The following ARMH3 variants were observed in gnomAD, a reference collection of about 807,000 sequenced individuals.
ARMH3 encodes armadillo-like helical domain-containing protein 3.
A neutral mutation model predicts 99.1 loss-of-function variants in ARMH3; 60 were observed. The observed-to-expected ratio is 0.61, with a 90% confidence interval of 0.49 to 0.75. The LOEUF (loss-of-function observed/expected upper bound fraction) is 0.75, where lower values mean the gene tolerates loss of function less well. Ranked by LOEUF, ARMH3 falls within the 30% of genes least tolerant of loss-of-function variation. ARMH3 has a pLI of 0.00. For synonymous variants in ARMH3, 285 were observed against 292.8 expected (o/e 0.97, Z 0.27); for missense variants, 679 against 843.1 (o/e 0.81, Z 2.41).
At chr10:101,884,202 A>T (rs1208215322) in intron 24 of ARMH3, among the ~76,000 whole-genome samples, 1 of 152,194 alleles carries the variant, frequency 6.6e-6, no homozygotes, top group Non-Finnish European at 1.5e-5. Context: ...AGCCTTAGAA[A>T]TGGAGAGAAT....
intron 16 of ARMH3, among the ~76,000 whole-genome samples, chr10:101,994,764 T>C (rs984529655): frequency 1.3e-5 from 2 of 152,142 alleles, no homozygotes; most frequent in Non-Finnish European, 2.9e-5. Flanking sequence ...CTGCCGAGCA[T>C]GGTGGCTCAC....
intron 23 of ARMH3, among the ~76,000 whole-genome samples, chr10:101,938,591 C>A (rs1844096932): frequency 6.6e-6 from 1 of 152,234 alleles, no homozygotes; most frequent in African/African-American, 2.4e-5. Context: ...GCACTTCATA[C>A]CCTAGCCCAG....
intron 24 of ARMH3, among the ~76,000 whole-genome samples, chr10:101,881,819 C>T (rs1207274036): frequency 6.6e-6 from 1 of 152,158 alleles, no homozygotes; most frequent in African/African-American, 2.4e-5. Flanking sequence ...TCTTTCTGTC[C>T]TTTTCAGATC....
At chr10:101,867,570 C>T (rs1236746774) in intron 24 of ARMH3, among the ~76,000 whole-genome samples, 1 of 152,202 alleles carries the variant, frequency 6.6e-6, no homozygotes, top group African/African-American at 2.4e-5. Context: ...CAGTGGCTCA[C>T]ACCTGTAATC....
chr10:101,849,765 G>A lies in ARMH3; in HGVS notation c.1977+11C>T, dbSNP rs1288912497. ...CCCCTAAGACACAGGCAGAGGCGGTGGGGCACTCACCAGCTCTTTGAAGAA... is the reference window on the plus strand; with the variant it reads ...CCCCTAAGACACAGGCAGAGGCGGTAGGGCACTCACCAGCTCTTTGAAGAA... On this transcript the variant is annotated intron_variant, in intron 25 of 25. Coordinates refer to ENST00000370033, the MANE Select transcript of ARMH3 (RefSeq NM_024541.3). 9 of 1,610,876 alleles carry A rather than the reference G, an allele frequency of 5.6e-6. No individual in the cohort carries two copies. Among genetic ancestry groups the A allele is most frequent in the Middle Eastern group, 1.7e-4 (1 of 6,048 alleles).
chr10:101,992,237 T>A (rs1232793737), intron 17 of ARMH3, among the ~76,000 whole-genome samples, 199 bp from the exon 18 acceptor site: 1 of 152,160 alleles, frequency 6.6e-6, no homozygotes, highest in Non-Finnish European at 1.5e-5. Context: ...GCTTCAGTTA[T>A]CAATGCACGC....
intron 1 of ARMH3, among the ~76,000 whole-genome samples, chr10:102,046,853 G>C (rs1383911949): frequency 6.6e-6 from 1 of 152,160 alleles, no homozygotes; most frequent in African/African-American, 2.4e-5. Flanking sequence ...AGAGGTTCTA[G>C]GTGAGTAAGG....
At chr10:101,856,135 GC>G (rs2066732699) in intron 24 of ARMH3, among the ~76,000 whole-genome samples, 1 of 152,150 alleles carries the variant, frequency 6.6e-6, no homozygotes, top group Non-Finnish European at 1.5e-5. Flanking sequence ...ACCTGGTGAA[GC>G]CTTGATTTGC....
intron 24 of ARMH3, among the ~76,000 whole-genome samples, chr10:101,850,232 G>A (rs965315895): frequency 1.3e-5 from 2 of 151,074 alleles, no homozygotes; most frequent in Non-Finnish European, 2.9e-5. Context: ...CGAGTAGCTG[G>A]GACGACAGGG....
intron 24 of ARMH3, among the ~76,000 whole-genome samples, chr10:101,858,152 C>T (rs2066778262): frequency 6.6e-6 from 1 of 152,232 alleles, no homozygotes. Context: ...AGAAGCACAG[C>T]ACTGCAAAGA....
chr10:101,882,277 T>C (rs560590891), intron 24 of ARMH3, among the ~76,000 whole-genome samples: 1 of 152,368 alleles, frequency 6.6e-6, no homozygotes, highest in South Asian at 2.1e-4. Flanking sequence ...GAACCCTAAG[T>C]TGCCACTATG....
intron 23 of ARMH3, among the ~76,000 whole-genome samples, chr10:101,892,936 A>C (rs1485339445): frequency 6.6e-6 from 1 of 152,218 alleles, no homozygotes; most frequent in African/African-American, 2.4e-5. Flanking sequence ...AGAGCTGGAG[A>C]TAATATCTGC....
chr10:101,994,523 G>T (rs1846965216), intron 16 of ARMH3, among the ~76,000 whole-genome samples: 1 of 152,200 alleles, frequency 6.6e-6, no homozygotes, highest in Non-Finnish European at 1.5e-5. Flanking sequence ...ACTCACTCAA[G>T]TTCTGCCATG....
Position 102,011,697 on chromosome 10 carries a change from G to C in ARMH3, c.831+26C>G, listed in dbSNP as rs772046777. The C allele has an allele frequency of 3.8e-6, 6 of 1,569,380 alleles. No individual in the cohort carries two copies. In the East Asian group the frequency reaches 1.4e-4, roughly 35 times the overall value. Reference sequence around the variant, plus strand: ...GACCACACTGTTTCTGTTTTTTTCAGGAGAAAAAAAAAAAGCAGGACTTAC... The same window carrying C: ...GACCACACTGTTTCTGTTTTTTTCACGAGAAAAAAAAAAAGCAGGACTTAC... On this transcript the variant is annotated intron_variant, in intron 11 of 25. Coordinates refer to ENST00000370033, the MANE Select transcript of ARMH3 (RefSeq NM_024541.3).
rs1015138693 is a variant in ARMH3, at chr10:101,968,283, C to T, written c.1495+6929G>A. Reference sequence around the variant, plus strand: ...ATACCACCTGCTCCTTTCCCCCCACCGTTTCCTAAAGGAGTGATAGCCAAA... The same window carrying T: ...ATACCACCTGCTCCTTTCCCCCCACTGTTTCCTAAAGGAGTGATAGCCAAA... On this transcript the variant is annotated intron_variant, in intron 20 of 25. Coordinates refer to ENST00000370033, the MANE Select transcript of ARMH3 (RefSeq NM_024541.3). Among the ~76,000 whole-genome samples the T allele has an allele frequency of 6.6e-5, 10 of 152,180 alleles. No individual in the cohort carries two copies. In the East Asian group the frequency reaches 1.2e-3, roughly 18 times the overall value.
At chr10:101,854,574 T>C (rs2066686983) in intron 24 of ARMH3, among the ~76,000 whole-genome samples, 1 of 152,080 alleles carries the variant, frequency 6.6e-6, no homozygotes, top group African/African-American at 2.4e-5. Flanking sequence ...CTTAAAACAC[T>C]TTGCCTCAAC....
intron 19 of ARMH3, among the ~76,000 whole-genome samples, chr10:101,977,819 CT>C (rs1044389232): frequency 3.3e-5 from 5 of 152,242 alleles, no homozygotes; most frequent in African/African-American, 1.2e-4. Context: ...CTTGCACCAC[CT>C]TGGGACTCTA....
intron 24 of ARMH3, among the ~76,000 whole-genome samples, chr10:101,852,931 T>C (rs2066639284): frequency 6.6e-6 from 1 of 151,518 alleles, no homozygotes; most frequent in Non-Finnish European, 1.5e-5. Context: ...TCACCCAGGC[T>C]GAAGTGCAAT....
chr10:101,959,361 C>T (rs1296966613), intron 20 of ARMH3, among the ~76,000 whole-genome samples: 1 of 152,226 alleles, frequency 6.6e-6, no homozygotes, highest in African/African-American at 2.4e-5. Flanking sequence ...TAGACAAGCC[C>T]TGTTAATGAT....
Sources: gnomAD v4.1 joint callset for allele counts (sites outside exome capture counted in the v4.1 genomes callset) on GRCh38, gnomAD v4.1.1 for gene constraint, MANE v1.5 for transcripts, NCBI Gene and HGNC (gene_info 2026-07-23, HGNC 2026-07-21) for gene names.